WDPCP: variants seen among roughly 807,000 people sequenced by gnomAD.
The protein encoded by WDPCP is WD repeat containing planar cell polarity effector, also known as WD repeat-containing and planar cell polarity effector protein fritz homolog.
A neutral mutation model predicts 93.1 loss-of-function variants in WDPCP; 71 were observed. That is an observed-to-expected ratio of 0.76 (90% CI 0.63 to 0.93). WDPCP has a LOEUF of 0.93. WDPCP is among the 40% of genes least tolerant of loss of function. The pLI is 0.00. For synonymous variants in WDPCP, 315 were observed against 315.0 expected (o/e 1.00, Z 0.00); for missense variants, 844 against 887.4 (o/e 0.95, Z 0.62).
chr2:63,401,608 C>T (rs1575335966), intron 10 of WDPCP, among the ~76,000 whole-genome samples: 1 of 152,208 alleles, frequency 6.6e-6, no homozygotes, highest in African/African-American at 2.4e-5. Context: ...GGTTTGAGAC[C>T]AGCCTGGGCA....
At chr2:63,452,674 G>T (rs568444130) in intron 6 of WDPCP, among the ~76,000 whole-genome samples, 9 of 152,110 alleles carry the variant, frequency 5.9e-5, no homozygotes, top group Admixed American at 6.5e-5. Context: ...GAGGCATCAC[G>T]CTACCTGACT....
chr2:63,448,411 C>T (rs1352666516), intron 6 of WDPCP, among the ~76,000 whole-genome samples: 1 of 149,086 alleles, frequency 6.7e-6, no homozygotes, highest in Non-Finnish European at 1.5e-5. Flanking sequence ...TACAACCATG[C>T]TACCTGAGTT....
At chr2:63,532,536 T>C (rs184946917) in intron 1 of WDPCP, among the ~76,000 whole-genome samples, 34 of 152,268 alleles carry the variant, frequency 2.2e-4, no homozygotes, top group Admixed American at 2.0e-3. Context: ...CAAGCCAGAA[T>C]ACAGTGGGGG....
At chr2:63,830,541 A>C (rs1382494900), upstream of WDPCP, among the ~76,000 whole-genome samples, 1 of 152,120 alleles carries the variant, frequency 6.6e-6, no homozygotes, top group Admixed American at 6.5e-5. Context: ...TAGTCATCTA[A>C]TAATCAATGG....
intron 6 of WDPCP, among the ~76,000 whole-genome samples, chr2:63,482,307 G>A (rs929613630): frequency 4.6e-5 from 7 of 151,934 alleles, no homozygotes; most frequent in African/African-American, 9.7e-5. Flanking sequence ...AAGACTGAGC[G>A]TCCAAACATG....
At chr2:63,382,119 G>A (rs754281079) in intron 10 of WDPCP, 25 bp from the exon 11 acceptor site, 7 of 1,602,870 alleles carry the variant, frequency 4.4e-6, no homozygotes, top group South Asian at 3.3e-5. Flanking sequence ...GGAAAACCAG[G>A]TGAATCTTTT....
At chr2:63,605,794 C>A in intron 3 of WDPCP, 1 of 704,910 alleles carries the variant, frequency 1.4e-6, no homozygotes, top group Non-Finnish European at 2.5e-6. Context: ...ACCTTGTCAC[C>A]AGTACCTGGT....
At position 63,219,604 on chromosome 2, in the gene WDPCP, A is replaced by T. The variant is rs140153736; in HGVS notation, c.1915+39703T>A. 1.4e-3 allele frequency among the ~76,000 whole-genome samples: 215 copies of T among 152,372 alleles called. 2 individuals are homozygous for T. Among genetic ancestry groups the T allele is most frequent in the African/African-American group, 4.8e-3 (198 of 41,604 alleles). On this transcript the variant is annotated intron_variant, in intron 14 of 17. Coordinates refer to ENST00000272321, the MANE Select transcript of WDPCP (RefSeq NM_015910.7). ...AAAATTGTTAAAACTTTGGTTATTT[A>T]TCTTGCTTCCAACATTTTCTATAAT...
At chr2:63,725,605 C>A (rs554695349) in intron 2 of WDPCP, among the ~76,000 whole-genome samples, 3 of 152,250 alleles carry the variant, frequency 2.0e-5, no homozygotes, top group African/African-American at 7.2e-5. Flanking sequence ...GTTTTAGGTT[C>A]TTTGAGAAAA....
At chr2:63,778,411 CT>C (rs2103966227) in intron 2 of WDPCP, among the ~76,000 whole-genome samples, 1 of 152,018 alleles carries the variant, frequency 6.6e-6, no homozygotes, top group South Asian at 2.1e-4. Flanking sequence ...GTTTCACCAT[CT>C]TGGCCAAGCT....
intron 17 of WDPCP, among the ~76,000 whole-genome samples, chr2:63,150,527 G>A (rs2103800087): frequency 6.6e-6 from 1 of 152,208 alleles, no homozygotes; most frequent in African/African-American, 2.4e-5. Flanking sequence ...AGACTCTTTG[G>A]GTTTGAATTC....
intron 2 of WDPCP, among the ~76,000 whole-genome samples, chr2:63,794,927 A>G (rs1011073296): frequency 2.0e-5 from 3 of 152,192 alleles, no homozygotes; most frequent in African/African-American, 7.2e-5. Flanking sequence ...CCCACTAGAC[A>G]TTATCATGTA....
intron 9 of WDPCP, among the ~76,000 whole-genome samples, chr2:63,420,121 TTTTAC>T (rs1203468780): frequency 2.0e-5 from 3 of 152,134 alleles, no homozygotes; most frequent in African/African-American, 7.2e-5. Flanking sequence ...TACACTTTAT[TTTTAC>T]TTTTTTACCA....
intron 12 of WDPCP, among the ~76,000 whole-genome samples, chr2:63,323,917 G>T (rs1300908564): frequency 6.6e-6 from 1 of 152,040 alleles, no homozygotes; most frequent in African/African-American, 2.4e-5. Context: ...TTTGTGGGTG[G>T]GGGAGAAACA....
At chr2:63,528,718 G>A (rs1703566830) in intron 1 of WDPCP, among the ~76,000 whole-genome samples, 3 of 152,156 alleles carry the variant, frequency 2.0e-5, no homozygotes, top group South Asian at 4.1e-4. Flanking sequence ...GGTTACATAC[G>A]AACTTTAAAG....
At chr2:63,539,439 T>C (rs1355615215) in intron 1 of WDPCP, among the ~76,000 whole-genome samples, 1 of 152,214 alleles carries the variant, frequency 6.6e-6, no homozygotes, top group Non-Finnish European at 1.5e-5. Flanking sequence ...CTCATGCCCG[T>C]AATCCCAGCA....
intron 17 of WDPCP, among the ~76,000 whole-genome samples, chr2:63,130,622 T>TGA (rs1670228942): frequency 6.6e-6 from 1 of 151,804 alleles, no homozygotes; most frequent in Non-Finnish European, 1.5e-5. Context: ...AATTTAAGGA[T>TGA]GAGTATTTTT....
intron 1 of WDPCP, among the ~76,000 whole-genome samples, chr2:63,559,192 T>A (rs1475941860): frequency 6.6e-6 from 1 of 152,156 alleles, no homozygotes; most frequent in Admixed American, 6.5e-5. Context: ...ATTATCTCAA[T>A]AGATGCAGAA....
intron 3 of WDPCP, among the ~76,000 whole-genome samples, chr2:63,642,238 T>C (rs529605162): frequency 6.4e-4 from 98 of 152,186 alleles, no homozygotes; most frequent in African/African-American, 2.2e-3. Context: ...AATTTGAAGT[T>C]GGGTAACGTA....
Sources: allele counts gnomAD v4.1 joint callset (sites outside exome capture counted in the v4.1 genomes callset), GRCh38; gene constraint gnomAD v4.1.1; transcripts MANE v1.5; gene names NCBI Gene and HGNC (gene_info 2026-07-23, HGNC 2026-07-21).